The following SMAD3 variants were observed in gnomAD, a reference collection of about 807,000 sequenced individuals.
SMAD3 encodes the protein SMAD family member 3.
SMAD3 carries 12 observed loss-of-function variants against 51.8 expected under a neutral mutation model. The observed-to-expected ratio is 0.23, with a 90% CI of 0.15 to 0.38. SMAD3 has a LOEUF of 0.38. SMAD3 is among the 10% of genes least tolerant of loss of function. The pLI is 1.00. For synonymous variants in SMAD3, 238 were observed against 227.7 expected, an observed-to-expected ratio of 1.05 and a Z score of -0.41; for missense variants, 294 against 565.6, an observed-to-expected ratio of 0.52 and a Z score of 4.87.
At position 67,070,596 on chromosome 15, in the gene SMAD3, C is replaced by T. The variant is rs1595884218; in HGVS notation, c.206+4236C>T. 2.0e-5 allele frequency among the ~76,000 whole-genome samples: 3 copies of T among 151,534 alleles called. No individual in the cohort carries two copies. In the South Asian group the frequency reaches 6.3e-4, roughly 32 times the overall value. On this transcript the variant is annotated intron_variant, in intron 1 of 8. Coordinates refer to ENST00000327367, the MANE Select transcript of SMAD3 (RefSeq NM_005902.4). ...GAAGCTTACACATCAGTAAGGGAAACATGAATAGGGCATTATTTGAGTATC... is the reference window on the plus strand; with the variant it reads ...GAAGCTTACACATCAGTAAGGGAAATATGAATAGGGCATTATTTGAGTATC...
chr15:67,069,044 A>G (rs1959991138), intron 1 of SMAD3, among the ~76,000 whole-genome samples: 1 of 152,170 alleles, frequency 6.6e-6, no homozygotes, highest in South Asian at 2.1e-4. Context: ...CCCTCAGTCT[A>G]AGGAGATTAA....
At chr15:67,123,760 C>A (rs1254588902) in intron 1 of SMAD3, among the ~76,000 whole-genome samples, 4 of 152,124 alleles carry the variant, frequency 2.6e-5, no homozygotes, top group African/African-American at 9.7e-5. Flanking sequence ...TTTTCTGCAA[C>A]CCTTTGCCTT....
Position 67,192,347 on chromosome 15 carries a change from A to T in SMAD3, c.*1811A>T, listed in dbSNP as rs1963387636. 4.3e-6 allele frequency: 1 copy of T among 232,970 alleles called. No homozygotes were observed. Among genetic ancestry groups the T allele is most frequent in the East Asian group, 6.0e-5 (1 of 16,686 alleles). The allele number at this position is 232,970 out of a possible 1,614,324, so 14.4% of individuals were successfully genotyped here. Reference sequence around the variant, plus strand: ...AGGAGCACCTTGACAGACTTGTGTGAGTCTTCTCGAAGGAGGGTTGACTCA... The same window carrying T: ...AGGAGCACCTTGACAGACTTGTGTGTGTCTTCTCGAAGGAGGGTTGACTCA... On this transcript the variant is annotated 3_prime_UTR_variant, in exon 9 of 9. Coordinates refer to ENST00000327367, the MANE Select transcript of SMAD3 (RefSeq NM_005902.4).
chr15:67,066,187 C>T lies in SMAD3; in HGVS notation c.33C>T (p.Ile11=). 4.3e-6 allele frequency: 7 copies of T among 1,610,346 alleles called. No individual in the cohort carries two copies. The highest frequency in any genetic ancestry group is 5.1e-6 in the Non-Finnish European group (6 of 1,178,726). MSSILPFTPP[I]VKRLLGWKKG... is the part of the protein sequence containing the mutation. ...CCATCCTGCCTTTCACTCCCCCGAT[C>T]GTGAAGCGCCTGCTGGGCTGGAAGA... The change falls in exon 1 of 9, where the codon ATC becomes ATT. Residue 11 remains isoleucine (I), a synonymous_variant. Transcript: ENST00000327367.
At chr15:67,172,211 C>T (rs1962772054) in intron 5 of SMAD3, among the ~76,000 whole-genome samples, 1 of 151,756 alleles carries the variant, frequency 6.6e-6, no homozygotes, top group Admixed American at 6.5e-5. Flanking sequence ...TCCCTCCCTA[C>T]TGCCCCTTCC....
intron 1 of SMAD3, among the ~76,000 whole-genome samples, chr15:67,083,307 GTC>G (rs1415822638): frequency 6.6e-6 from 1 of 152,216 alleles, no homozygotes; most frequent in Non-Finnish European, 1.5e-5. Context: ...TGGACCAGTG[GTC>G]TCAGATGTTT....
intron 5 of SMAD3, 131 bp from the exon 6 acceptor site, chr15:67,181,110 G>A: frequency 1.4e-6 from 1 of 738,326 alleles, no homozygotes; most frequent in Non-Finnish European, 2.4e-6. Flanking sequence ...ACGATAAAAG[G>A]CATGGGGTAG....
At chr15:67,156,552 T>C (rs1409917683) in intron 1 of SMAD3, among the ~76,000 whole-genome samples, 1 of 152,234 alleles carries the variant, frequency 6.6e-6, no homozygotes, top group Non-Finnish European at 1.5e-5. Flanking sequence ...TCAGGTGCTC[T>C]GTTTCTCAAT....
chr15:67,183,000 A>AAT (rs1555413788), intron 6 of SMAD3, among the ~76,000 whole-genome samples: 50 of 43,648 alleles, frequency 1.1e-3, no homozygotes, highest in African/African-American at 2.3e-3. Context: ...AAAAAAAAAA[A>AAT]ATATATATAT....
At chr15:67,156,729 C>T (rs1356593231) in intron 1 of SMAD3, among the ~76,000 whole-genome samples, 1 of 149,056 alleles carries the variant, frequency 6.7e-6, no homozygotes. Context: ...GGGCTTGGTT[C>T]CTTGCTACAG....
At chr15:67,136,303 G>A (rs1456642461) in intron 1 of SMAD3, among the ~76,000 whole-genome samples, 2 of 151,820 alleles carry the variant, frequency 1.3e-5, no homozygotes, top group Non-Finnish European at 1.5e-5. Context: ...TTCATGTGAG[G>A]AAACACATCC....
chr15:67,080,244 T>C (rs1294858642), intron 1 of SMAD3, among the ~76,000 whole-genome samples: 1 of 152,220 alleles, frequency 6.6e-6, no homozygotes, highest in Non-Finnish European at 1.5e-5. Flanking sequence ...TTGCCCAAGG[T>C]CATGCAACAA....
chr15:67,182,910 T>TCCTC (rs1450771758), intron 6 of SMAD3, among the ~76,000 whole-genome samples: 1 of 147,144 alleles, frequency 6.8e-6, no homozygotes, highest in African/African-American at 2.5e-5. Flanking sequence ...GCTCAAGCTA[T>TCCTC]CCTCCCATCT....
intron 4 of SMAD3, among the ~76,000 whole-genome samples, chr15:67,169,805 C>T (rs1219894865): frequency 1.3e-5 from 2 of 152,112 alleles, no homozygotes; most frequent in African/African-American, 4.8e-5. Flanking sequence ...CGGGGACGAG[C>T]AGGATGCTGC....
chr15:67,127,845 G>A (rs945581287), intron 1 of SMAD3, among the ~76,000 whole-genome samples: 2 of 152,224 alleles, frequency 1.3e-5, no homozygotes, highest in African/African-American at 2.4e-5. Flanking sequence ...AGAGGCCAGA[G>A]GACAGCTTAG....
intron 7 of SMAD3, among the ~76,000 whole-genome samples, chr15:67,185,259 G>GAAGACAA (rs902850818): frequency 6.6e-6 from 1 of 152,218 alleles, no homozygotes; most frequent in African/African-American, 2.4e-5. Flanking sequence ...GCAGAGCACA[G>GAAGACAA]AAGACAAAGA....
intron 1 of SMAD3, among the ~76,000 whole-genome samples, chr15:67,100,717 G>C (rs1016300265): frequency 6.6e-6 from 1 of 152,018 alleles, no homozygotes; most frequent in Non-Finnish European, 1.5e-5. Flanking sequence ...GGTTTGTATT[G>C]GGTAGGAAAG....
Position 67,181,310 on chromosome 15 carries a change from G to A in SMAD3, c.728G>A (p.Arg243His), listed in dbSNP as rs863223736. ...ATCTCCTACTACGAGCTGAACCAGCGCGTCGGGGAGACATTCCACGCCTCG... is the reference window on the plus strand; with the variant it reads ...ATCTCCTACTACGAGCTGAACCAGCACGTCGGGGAGACATTCCACGCCTCG... ...CSISYYELNQ[R>H]VGETFHASQP... Residue 243 changes from arginine (R) to histidine (H), a missense_variant, in exon 6 of 9, where the codon CGC (arginine) becomes CAC (histidine). Arg to His is a conservative substitution (Grantham distance 29). Around this residue, in one of 3 missense-constraint regions of SMAD3, gnomAD observed 118 missense variants for 278.0 expected, o/e 0.42. Transcript: ENST00000327367. The A allele has an allele frequency of 3.1e-6, 5 of 1,613,962 alleles. No individual in the cohort carries two copies. Among genetic ancestry groups the A allele is most frequent in the Admixed American group, 1.7e-5 (1 of 60,024 alleles).
At chr15:67,138,166 G>A (rs1420046295) in intron 1 of SMAD3, 3 of 1,254,290 alleles carry the variant, frequency 2.4e-6, no homozygotes, top group African/African-American at 3.0e-5. Context: ...CCGTCCACAG[G>A]GTTGCTGGCC....
Sources: gnomAD v4.1 joint callset for allele counts (sites outside exome capture counted in the v4.1 genomes callset) on GRCh38, gnomAD v4.1.1 for gene constraint, gnomAD v4.1.1 regional missense constraint, MANE v1.5 for transcripts, NCBI Gene and HGNC (gene_info 2026-07-23, HGNC 2026-07-21) for gene names.